Variants in COL23A1 observed in about 807,000 individuals in gnomAD.
COL23A1 encodes collagen alpha-1(XXIII) chain.
Under a neutral mutation model 99.3 loss-of-function variants are expected in COL23A1, and 97 were observed. That is an observed-to-expected ratio of 0.98 (90% CI 0.83 to 1.16). The LOEUF is 1.16. COL23A1 is among the 50% of genes most tolerant of loss of function. COL23A1 has a pLI of 0.00. For missense variants in COL23A1, 762 were observed against 757.4 expected, an observed-to-expected ratio of 1.01 and a Z score of -0.07; for synonymous variants, 320 against 308.2, an observed-to-expected ratio of 1.04 and a Z score of -0.40.
At chr5:178,489,173 C>T (rs1212234278) in intron 2 of COL23A1, among the ~76,000 whole-genome samples, 1 of 152,218 alleles carries the variant, frequency 6.6e-6, no homozygotes, top group African/African-American at 2.4e-5. Context: ...GGGTGGGCAC[C>T]ACCCAACGGC....
chr5:178,436,314 G>A (rs1449585164), intron 2 of COL23A1, among the ~76,000 whole-genome samples: 1 of 152,138 alleles, frequency 6.6e-6, no homozygotes, highest in Non-Finnish European at 1.5e-5. Context: ...AAAGACCAGA[G>A]AGGAGGCTGC....
In COL23A1 at chr5:178,315,666, G is replaced by A. The variant is rs538864584; in HGVS notation, c.362-8747C>T. 1.9e-3 allele frequency among the ~76,000 whole-genome samples: 285 copies of A among 152,134 alleles called. 4 individuals are homozygous for A. The highest frequency in any genetic ancestry group is 6.7e-3 in the African/African-American group (277 of 41,486). Reference sequence around the variant, plus strand: ...GGGACAAGGGCTGGTCACGGTCTCCGGATCAGACTGTCAGAGCTCTTGTCA... The same window carrying A: ...GGGACAAGGGCTGGTCACGGTCTCCAGATCAGACTGTCAGAGCTCTTGTCA... On this transcript the variant is annotated intron_variant, in intron 2 of 28. Transcript: ENST00000390654.
chr5:178,573,483 C>T (rs2086019551), intron 1 of COL23A1, among the ~76,000 whole-genome samples: 1 of 152,246 alleles, frequency 6.6e-6, no homozygotes, highest in Non-Finnish European at 1.5e-5. Flanking sequence ...GAGTGACTCT[C>T]TTTCAAACCA....
intron 11 of COL23A1, among the ~76,000 whole-genome samples, chr5:178,261,020 T>C (rs1765598856): frequency 7.4e-6 from 1 of 134,508 alleles, no homozygotes; most frequent in Admixed American, 7.7e-5. Context: ...AGGTGGGTCA[T>C]CTGTAGCAAG....
In COL23A1 at chr5:178,359,971, G is replaced by C. The variant is rs867439897; in HGVS notation, c.362-53052C>G. On this transcript the variant is annotated intron_variant, in intron 2 of 28. Transcript: ENST00000390654. Reference sequence around the variant, plus strand: ...GGGGTGGGGTTAAGGGTGAGCTTACGGGAGCGGAAAAGCTTTTCCTGAGGC... The same window carrying C: ...GGGGTGGGGTTAAGGGTGAGCTTACCGGAGCGGAAAAGCTTTTCCTGAGGC... 2.0e-5 allele frequency among the ~76,000 whole-genome samples: 3 copies of C among 152,196 alleles called. 1 individual carries two copies. The South Asian group carries it at 6.2e-4, about 32-fold the overall frequency.
intron 1 of COL23A1, among the ~76,000 whole-genome samples, chr5:178,587,692 T>C (rs1380202776): frequency 6.6e-6 from 1 of 152,238 alleles, no homozygotes; most frequent in African/African-American, 2.4e-5. Flanking sequence ...TTGGCTTTCA[T>C]ATCTAATGGC....
At chr5:178,266,400 G>A (rs11742935) in intron 8 of COL23A1, among the ~76,000 whole-genome samples, 17,075 of 151,850 alleles carry the variant, frequency 0.11, 1,669 homozygotes, top group African/African-American at 0.26. Context: ...TGTGTGTGTT[G>A]GGGGGTGGTG....
rs762091498 is a variant in COL23A1, at chr5:178,565,115, TGTCTACA to T, written c.295-4374_295-4368del. Among the ~76,000 whole-genome samples, 281 of 152,286 alleles carry T rather than the reference TGTCTACA, an allele frequency of 1.8e-3. 1 individual carries two copies. In the East Asian group the frequency reaches 0.026, roughly 14 times the overall value. On this transcript the variant is annotated intron_variant, in intron 1 of 28. Coordinates refer to ENST00000390654, the MANE Select transcript of COL23A1 (RefSeq NM_173465.4). ...AATGCTTATGCTACAATAAATAAAA[TGTCTACA>T]TTGACGTAGAAACACAGGCATGGGG...
chr5:178,533,204 C>T (rs1370058252), intron 2 of COL23A1, among the ~76,000 whole-genome samples: 1 of 152,186 alleles, frequency 6.6e-6, no homozygotes, highest in Non-Finnish European at 1.5e-5. Flanking sequence ...AAAGTGTATG[C>T]AGCATAAAAT....
At chr5:178,584,605 T>G (rs1243857527) in intron 1 of COL23A1, among the ~76,000 whole-genome samples, 1 of 152,176 alleles carries the variant, frequency 6.6e-6, no homozygotes, top group African/African-American at 2.4e-5. Flanking sequence ...GCTAATGGGT[T>G]GCTGCTCGGT....
chr5:178,477,707 T>G lies in COL23A1; in HGVS notation c.361+82975A>C, dbSNP rs147962889. Among the ~76,000 whole-genome samples the G allele has an allele frequency of 1.2e-3, 184 of 152,290 alleles. 1 individual carries two copies. Among genetic ancestry groups the G allele is most frequent in the African/African-American group, 4.3e-3 (179 of 41,540 alleles). ...GAGTGAAAACATGTATGTGTGCAAC[T>G]GTCAACGTACCCCTCCTTCCTTCCC... On this transcript the variant is annotated intron_variant, in intron 2 of 28. Transcript: ENST00000390654.
intron 2 of COL23A1, among the ~76,000 whole-genome samples, chr5:178,323,698 G>C (rs1481640379): frequency 6.6e-6 from 1 of 152,100 alleles, no homozygotes; most frequent in African/African-American, 2.4e-5. Flanking sequence ...AGAGCTCTTC[G>C]GAAGACCCTT....
intron 17 of COL23A1, among the ~76,000 whole-genome samples, chr5:178,251,205 T>C (rs559495320): frequency 1.3e-5 from 2 of 152,174 alleles, no homozygotes; most frequent in African/African-American, 4.8e-5. Flanking sequence ...GTATTTTTAG[T>C]AGAGACAGTG....
intron 2 of COL23A1, among the ~76,000 whole-genome samples, chr5:178,557,739 T>C: frequency 6.6e-6 from 1 of 152,138 alleles, no homozygotes; most frequent in Admixed American, 6.5e-5. Flanking sequence ...CTGGAGAGCC[T>C]TGGAGCCTTG....
At position 178,579,252 on chromosome 5, in the gene COL23A1, T is replaced by C. The variant is rs182664224; in HGVS notation, c.294+10652A>G. Among the ~76,000 whole-genome samples, 319 of 152,330 alleles carry C rather than the reference T, an allele frequency of 2.1e-3. 1 individual carries two copies. Among genetic ancestry groups the C allele is most frequent in the African/African-American group, 7.3e-3 (304 of 41,568 alleles). On this transcript the variant is annotated intron_variant, in intron 1 of 28. Coordinates refer to ENST00000390654, the MANE Select transcript of COL23A1 (RefSeq NM_173465.4). ...GAAAAAACTCTAATACCAGCAGCCA[T>C]GTTCAGGGTGTGCACGACATGCTGA...
chr5:178,536,221 G>A (rs1377698293), intron 2 of COL23A1, among the ~76,000 whole-genome samples: 1 of 152,256 alleles, frequency 6.6e-6, no homozygotes, highest in Non-Finnish European at 1.5e-5. Flanking sequence ...TGCCGCAGGG[G>A]TGCTCGGGGA....
chr5:178,320,973 C>G (rs1759269973), intron 2 of COL23A1, among the ~76,000 whole-genome samples: 1 of 152,216 alleles, frequency 6.6e-6, no homozygotes, highest in Non-Finnish European at 1.5e-5. Context: ...TTTGTCCTTG[C>G]CCTGAGAGGG....
At chr5:178,501,170 T>C (rs534497667) in intron 2 of COL23A1, among the ~76,000 whole-genome samples, 2 of 152,306 alleles carry the variant, frequency 1.3e-5, no homozygotes, top group African/African-American at 4.8e-5. Flanking sequence ...ACTAGGGACC[T>C]TGGGACCCAA....
intron 5 of COL23A1, among the ~76,000 whole-genome samples, chr5:178,276,885 C>G (rs1233309050): frequency 6.6e-6 from 1 of 152,214 alleles, no homozygotes; most frequent in East Asian, 1.9e-4. Flanking sequence ...TGCACCTCAA[C>G]TCAGCAAACT....
Sources: allele counts gnomAD v4.1 joint callset (sites outside exome capture counted in the v4.1 genomes callset), GRCh38; gene constraint gnomAD v4.1.1; transcripts MANE v1.5; gene names NCBI Gene and HGNC (gene_info 2026-07-23, HGNC 2026-07-21).